The following PBRM1 variants were observed in gnomAD, a reference collection of about 807,000 sequenced individuals.
PBRM1 encodes polybromo 1, also known as protein polybromo-1.
PBRM1 carries 27 observed loss-of-function variants against 194.5 expected under a neutral mutation model. The observed-to-expected ratio is 0.14, with a 90% CI of 0.10 to 0.19. The LOEUF is 0.19. Ranked by LOEUF, PBRM1 falls within the 10% of genes least tolerant of loss-of-function variation. PBRM1 has a pLI of 1.00. For synonymous variants in PBRM1, 655 were observed against 693.2 expected, an observed-to-expected ratio of 0.94 and a Z score of 0.87; for missense variants, 1,466 against 2,077.2, an observed-to-expected ratio of 0.71 and a Z score of 5.72.
chr3:52,679,224 G>A (rs929397991), intron 1 of PBRM1, among the ~76,000 whole-genome samples: 9 of 152,040 alleles, frequency 5.9e-5, no homozygotes, highest in African/African-American at 1.7e-4. Context: ...TTCTTTATTC[G>A]TTTACTTGTT....
intron 20 of PBRM1, among the ~76,000 whole-genome samples, chr3:52,582,684 T>C (rs1455655224): frequency 6.6e-6 from 1 of 152,052 alleles, no homozygotes; most frequent in African/African-American, 2.4e-5. Flanking sequence ...CCCATACTGA[T>C]AAAATATAAA....
chr3:52,563,323 AG>A lies in PBRM1; in HGVS notation c.4045del (p.Leu1349TrpfsTer35), dbSNP rs2153515651. On this transcript the variant is annotated frameshift_variant, in exon 24 of 30. Transcript: ENST00000296302. LOFTEE classifies it high-confidence loss of function. ...GGGCATGAGGTCCAGCTCACTGGCC[AG>A]GGGGGTCTGAAGCTGAGGTAGAGAA... 1 of 1,614,088 alleles carries A rather than the reference AG, an allele frequency of 6.2e-7. No homozygotes were observed. Among genetic ancestry groups the A allele is most frequent in the Non-Finnish European group, 8.5e-7 (1 of 1,179,992 alleles).
chr3:52,685,886 T>G, upstream of PBRM1: 1 of 615,856 alleles, frequency 1.6e-6, no homozygotes, highest in Non-Finnish European at 2.9e-6. Context: ...CTCACCTCCC[T>G]TACCCCTCCC....
At chr3:52,553,258 C>A (rs1189214694) in intron 27 of PBRM1, among the ~76,000 whole-genome samples, 1 of 152,196 alleles carries the variant, frequency 6.6e-6, no homozygotes, top group Non-Finnish European at 1.5e-5. Flanking sequence ...GCTAAGAGTT[C>A]TTTTGCATAT....
intron 22 of PBRM1, among the ~76,000 whole-genome samples, chr3:52,575,357 C>A (rs1027579947): frequency 2.0e-5 from 3 of 151,810 alleles, no homozygotes; most frequent in African/African-American, 7.3e-5. Context: ...GTTATAATAC[C>A]CAAAATGAGC....
chr3:52,594,659 TTG>T (rs2153837398), intron 17 of PBRM1, among the ~76,000 whole-genome samples: 1 of 152,308 alleles, frequency 6.6e-6, no homozygotes, highest in East Asian at 1.9e-4. Flanking sequence ...CTTGTTTGTG[TTG>T]TGTCATTGGT....
chr3:52,653,357 A>C (rs1024516706), intron 5 of PBRM1, among the ~76,000 whole-genome samples: 1 of 152,130 alleles, frequency 6.6e-6, no homozygotes, highest in African/African-American at 2.4e-5. Flanking sequence ...TGGGAGGCTG[A>C]GGTGGGTGGA....
chr3:52,585,810 C>G (rs985802249), intron 20 of PBRM1: 1 of 152,176 alleles, frequency 6.6e-6, no homozygotes, highest in Non-Finnish European at 1.5e-5. Flanking sequence ...CAGGTGTGAG[C>G]CACCGCGCCT....
Position 52,561,750 on chromosome 3 carries a change from G to T in PBRM1, c.4288+17C>A, listed in dbSNP as rs766995355. 24 of 1,608,096 alleles carry T rather than the reference G, an allele frequency of 1.5e-5. No individual in the cohort carries two copies. The highest frequency in any genetic ancestry group is 2.0e-5 in the Non-Finnish European group (24 of 1,175,288). ...CCCCCTTGCTTCGAAAGACAGTTGT[G>T]CCTAGGCTCTATTTACCTTCATATT... On this transcript the variant is annotated intron_variant, in intron 25 of 29. Transcript: ENST00000296302.
chr3:52,561,198 A>C (rs1467818771), intron 25 of PBRM1, among the ~76,000 whole-genome samples: 1 of 152,210 alleles, frequency 6.6e-6, no homozygotes, highest in African/African-American at 2.4e-5. Flanking sequence ...CACTGCCCAA[A>C]GTGATTTAAT....
intron 22 of PBRM1, among the ~76,000 whole-genome samples, chr3:52,568,695 T>G (rs1447532567): frequency 6.6e-6 from 1 of 152,236 alleles, no homozygotes; most frequent in African/African-American, 2.4e-5. Flanking sequence ...CAAACACCAT[T>G]TGGAGAAAAA....
exon 22 of PBRM1, chr3:52,576,668 A>G (rs529698567): frequency 6.2e-7 from 1 of 1,609,728 alleles, no homozygotes; most frequent in Non-Finnish European, 8.5e-7. Flanking sequence ...AAAAATATGC[A>G]GCTCCATCTC....
upstream of PBRM1, among the ~76,000 whole-genome samples, chr3:52,683,130 G>C (rs2097238068): frequency 6.6e-6 from 1 of 151,982 alleles, no homozygotes; most frequent in Non-Finnish European, 1.5e-5. Context: ...TTGAACCCGG[G>C]AGGCGGAGGT....
chr3:52,676,441 C>T (rs967943922), intron 2 of PBRM1, among the ~76,000 whole-genome samples: 2 of 152,154 alleles, frequency 1.3e-5, no homozygotes, highest in Non-Finnish European at 2.9e-5. Context: ...GGGGTTCCCA[C>T]TTTTGCTTCT....
At position 52,579,030 on chromosome 3, in the gene PBRM1, C is replaced by T. The variant is rs764832462; in HGVS notation, c.3533+24G>A. The T allele has an allele frequency of 3.7e-6, 6 of 1,612,630 alleles. No homozygotes were observed. The South Asian group carries it at 6.6e-5, about 18-fold the overall frequency. ...CCAAATTTCTCAGATTCAACCTCAT[C>T]TTCCCTAATTCAATGACACTCACCT... On this transcript the variant is annotated intron_variant, in intron 21 of 29. Coordinates refer to ENST00000296302, the Ensembl canonical transcript of PBRM1.
upstream of PBRM1, among the ~76,000 whole-genome samples, chr3:52,680,267 A>G (rs1189334739): frequency 6.6e-6 from 1 of 152,226 alleles, no homozygotes; most frequent in Non-Finnish European, 1.5e-5. Flanking sequence ...ACAGAGGACA[A>G]TTAACCTTCT....
intron 26 of PBRM1, among the ~76,000 whole-genome samples, chr3:52,556,146 G>T (rs1420878810): frequency 2.0e-5 from 3 of 152,080 alleles, no homozygotes; most frequent in South Asian, 2.1e-4. Flanking sequence ...TTTCCCTGAA[G>T]ATTTCAAACA....
chr3:52,558,264 A>G (rs2082652326), exon 26 of PBRM1: 1 of 1,532,394 alleles, frequency 6.5e-7, no homozygotes, highest in Non-Finnish European at 8.8e-7. Context: ...ACAGGTGTCA[A>G]CTGCTGATTG....
At chr3:52,683,465 G>T (rs2097249965), upstream of PBRM1, among the ~76,000 whole-genome samples, 1 of 151,970 alleles carries the variant, frequency 6.6e-6, no homozygotes, top group Non-Finnish European at 1.5e-5. Context: ...CTGTCTTACA[G>T]GATAGTATTT....
Sources: gnomAD v4.1 joint callset for allele counts (sites outside exome capture counted in the v4.1 genomes callset) on GRCh38, gnomAD v4.1.1 for gene constraint, MANE v1.5 for transcripts, NCBI Gene and HGNC (gene_info 2026-07-23, HGNC 2026-07-21) for gene names.